Variants in MYO1E observed in about 807,000 individuals in gnomAD.
The protein encoded by MYO1E is unconventional myosin-Ie.
In MYO1E, 68 loss-of-function variants were observed where a neutral mutation model predicts 151.1. The ratio of observed to expected loss-of-function variants is 0.45; its 90% CI spans 0.37 to 0.55. The LOEUF is 0.55. MYO1E is among the 20% of genes least tolerant of loss of function. The pLI, the probability that MYO1E is intolerant of heterozygous loss-of-function variation, is 0.00. For synonymous variants in MYO1E, 601 were observed against 501.7 expected, an observed-to-expected ratio of 1.20 and a Z score of -2.64; for missense variants, 1,363 against 1,389.3, an observed-to-expected ratio of 0.98 and a Z score of 0.30.
At chr15:59,346,855 T>C (rs1478414701) in intron 1 of MYO1E, among the ~76,000 whole-genome samples, 1 of 151,706 alleles carries the variant, frequency 6.6e-6, no homozygotes, top group Non-Finnish European at 1.5e-5. Flanking sequence ...AGGTGGAGGT[T>C]GCAGTGAGCC....
intron 12 of MYO1E, among the ~76,000 whole-genome samples, chr15:59,213,118 A>C (rs908728765): frequency 6.9e-6 from 1 of 145,194 alleles, no homozygotes; most frequent in Non-Finnish European, 1.5e-5. Flanking sequence ...AACAATGGAA[A>C]CTGCACTGAA....
chr15:59,362,717 T>C (rs1210453289), intron 1 of MYO1E, among the ~76,000 whole-genome samples: 1 of 152,218 alleles, frequency 6.6e-6, no homozygotes, highest in Non-Finnish European at 1.5e-5. Context: ...ATTTTTTCAT[T>C]GAAAATTTCT....
chr15:59,320,613 T>C (rs1231005960), intron 1 of MYO1E, among the ~76,000 whole-genome samples: 1 of 152,226 alleles, frequency 6.6e-6, no homozygotes, highest in African/African-American at 2.4e-5. Context: ...TAAATGGTGC[T>C]AGGGTGCTTG....
chr15:59,366,949 A>T (rs1042351444), intron 1 of MYO1E, among the ~76,000 whole-genome samples: 1 of 149,744 alleles, frequency 6.7e-6, no homozygotes, highest in Admixed American at 6.7e-5. Context: ...CACCATTAAG[A>T]AACATTTTAA....
chr15:59,142,897 ACT>A (rs1337308265), intron 26 of MYO1E, among the ~76,000 whole-genome samples: 2 of 146,280 alleles, frequency 1.4e-5, no homozygotes, highest in African/African-American at 2.6e-5. Context: ...TATCCTGGAA[ACT>A]CTAGCCAGGG....
intron 1 of MYO1E, among the ~76,000 whole-genome samples, chr15:59,343,219 TG>T (rs2080775435): frequency 6.6e-6 from 1 of 152,198 alleles, no homozygotes; most frequent in Admixed American, 6.5e-5. Context: ...CCTCAGCTTT[TG>T]TTTGTCTGGG....
At chr15:59,261,796 A>G (rs1270051290) in intron 2 of MYO1E, among the ~76,000 whole-genome samples, 1 of 152,224 alleles carries the variant, frequency 6.6e-6, no homozygotes, top group Non-Finnish European at 1.5e-5. Context: ...CAGCAAGGAG[A>G]AAAGAAAACA....
intron 5 of MYO1E, among the ~76,000 whole-genome samples, 188 bp downstream of exon 5, chr15:59,236,397 C>T (rs1311983151): frequency 6.7e-6 from 1 of 149,420 alleles, no homozygotes; most frequent in African/African-American, 2.5e-5. Flanking sequence ...CACACACACA[C>T]ACACACACAC....
At chr15:59,257,243 C>G (rs938112204) in intron 3 of MYO1E, among the ~76,000 whole-genome samples, 1 of 152,146 alleles carries the variant, frequency 6.6e-6, no homozygotes, top group Non-Finnish European at 1.5e-5. Flanking sequence ...CTCCAAGCTA[C>G]TTGGTAGGCT....
intron 9 of MYO1E, among the ~76,000 whole-genome samples, chr15:59,221,410 T>C (rs1047941474): frequency 6.6e-6 from 1 of 152,168 alleles, no homozygotes; most frequent in Non-Finnish European, 1.5e-5. Context: ...TGTAGTTGTT[T>C]TGGAACACAC....
intron 2 of MYO1E, among the ~76,000 whole-genome samples, chr15:59,271,940 T>C (rs2080291286): frequency 6.6e-6 from 1 of 152,230 alleles, no homozygotes; most frequent in Non-Finnish European, 1.5e-5. Context: ...GCATCTTTAC[T>C]TTGTGAAATG....
intron 1 of MYO1E, among the ~76,000 whole-genome samples, chr15:59,370,840 T>TTGA (rs2080940282): frequency 6.6e-6 from 1 of 152,154 alleles, no homozygotes; most frequent in Non-Finnish European, 1.5e-5. Flanking sequence ...CATAAACACA[T>TTGA]TGATTTTTTT....
chr15:59,359,961 T>C (rs1222062957), intron 1 of MYO1E: 2 of 152,218 alleles, frequency 1.3e-5, no homozygotes, highest in Admixed American at 6.5e-5. Context: ...CTTTGCTCTA[T>C]GTGAAAGCCA....
At chr15:59,155,902 C>T (rs1158637901) in intron 25 of MYO1E, among the ~76,000 whole-genome samples, 2 of 152,172 alleles carry the variant, frequency 1.3e-5, no homozygotes, top group Admixed American at 6.5e-5. Flanking sequence ...CAGACTCTCA[C>T]TCAGTTACCC....
At chr15:59,176,829 G>A (rs2079628013) in intron 19 of MYO1E, among the ~76,000 whole-genome samples, 1 of 152,142 alleles carries the variant, frequency 6.6e-6, no homozygotes, top group Non-Finnish European at 1.5e-5. Context: ...GTTTGGGGCA[G>A]GGGAGAGAGC....
rs200599763 is a variant in MYO1E, at chr15:59,371,478, T to A, written c.3+1020A>T. Among the ~76,000 whole-genome samples, 30 of 148,586 alleles carry A rather than the reference T, an allele frequency of 2.0e-4. No individual in the cohort carries two copies. The East Asian group carries it at 5.5e-3, about 27-fold the overall frequency. ...AACTGCCGATCTCTTCAAAATAGAGTCCTTGCTTTCGTGCCCCGCAAAGAA... is the reference window on the plus strand; with the variant it reads ...AACTGCCGATCTCTTCAAAATAGAGACCTTGCTTTCGTGCCCCGCAAAGAA... On this transcript the variant is annotated intron_variant, in intron 1 of 27. Transcript: ENST00000288235.
chr15:59,293,122 G>A (rs916315551), intron 1 of MYO1E, among the ~76,000 whole-genome samples: 40 of 152,048 alleles, frequency 2.6e-4, no homozygotes, highest in Non-Finnish European at 2.1e-4. Flanking sequence ...ATTCAGCAAG[G>A]CACCCTTTTT....
chr15:59,137,389 G>C lies in MYO1E; in HGVS notation c.3318C>G (p.Thr1106=). The part of the protein sequence containing the change: ...KQGLFPNNYV[T]KI ...CAGAGTCACGGGCACCTCAGATCTT[G>C]GTCACATAGTTGTTGGGGAACAGGC... is the stretch of plus-strand genomic sequence containing the variant. Residue 1106 remains threonine, a synonymous_variant, in exon 28 of 28, where the codon ACC becomes ACG. Transcript: ENST00000288235. 2 of 1,614,126 alleles carry C rather than the reference G, an allele frequency of 1.2e-6. No homozygotes were observed. The highest frequency in any genetic ancestry group is 1.7e-6 in the Non-Finnish European group (2 of 1,179,968).
At chr15:59,139,918 A>T (rs575060269) in intron 26 of MYO1E, among the ~76,000 whole-genome samples, 25 of 151,994 alleles carry the variant, frequency 1.6e-4, no homozygotes, top group Non-Finnish European at 3.5e-4. Flanking sequence ...ATTACTCCTC[A>T]GGTCTCCTTC....
Sources: gnomAD v4.1 joint callset for allele counts (sites outside exome capture counted in the v4.1 genomes callset) on GRCh38, gnomAD v4.1.1 for gene constraint, MANE v1.5 for transcripts, NCBI Gene and HGNC (gene_info 2026-07-23, HGNC 2026-07-21) for gene names.